The following GRM7 variants were observed in gnomAD, a reference collection of about 807,000 sequenced individuals.
GRM7 encodes metabotropic glutamate receptor 7.
In GRM7, 35 loss-of-function variants were observed where a neutral mutation model predicts 84.5. The observed-to-expected ratio is 0.41, with a 90% CI of 0.32 to 0.55. GRM7 has a LOEUF of 0.55. GRM7 is among the 20% of genes least tolerant of loss of function. GRM7 has a pLI of 0.19. For missense variants in GRM7, 1,003 were observed against 1,194.6 expected (o/e 0.84, Z 2.36); for synonymous variants, 487 against 455.1 (o/e 1.07, Z -0.89).
rs1289896477 is a variant in GRM7, at chr3:7,690,064, A to T, written c.2698+9769A>T. On this transcript the variant is annotated intron_variant, in intron 9 of 9. Transcript: ENST00000357716. ...AGGGCTCCAGGCAGCCATAAACGGAAAGGCACTCAAGGTAGGGGAAAGTAT... is the reference window on the plus strand; with the variant it reads ...AGGGCTCCAGGCAGCCATAAACGGATAGGCACTCAAGGTAGGGGAAAGTAT... Among the ~76,000 whole-genome samples, 5 of 152,286 alleles carry T rather than the reference A, an allele frequency of 3.3e-5. No individual in the cohort carries two copies. In the East Asian group the frequency reaches 5.8e-4, roughly 18 times the overall value.
intron 2 of GRM7, among the ~76,000 whole-genome samples, chr3:7,224,582 A>G (rs977378748): frequency 6.6e-6 from 1 of 152,182 alleles, no homozygotes; most frequent in African/African-American, 2.4e-5. Context: ...TATTTAAGAA[A>G]TGTAAGAGAA....
chr3:7,675,696 T>C lies in GRM7; in HGVS notation c.2452-4353T>C, dbSNP rs147501110. Among the ~76,000 whole-genome samples the C allele has an allele frequency of 5.9e-5, 9 of 152,360 alleles. No individual in the cohort carries two copies. The East Asian group carries it at 1.5e-3, about 26-fold the overall frequency. ...ACTAGACATGAATAGGAGTGGGCTT[T>C]ATAAACACTATTACTTAATCAACAA... On this transcript the variant is annotated intron_variant, in intron 8 of 9. Transcript: ENST00000357716.
At chr3:7,509,715 G>A (rs960192376) in intron 7 of GRM7, among the ~76,000 whole-genome samples, 2 of 152,138 alleles carry the variant, frequency 1.3e-5, no homozygotes, top group African/African-American at 2.4e-5. Context: ...CCATGGTAGA[G>A]AAGGCAGCCA....
chr3:7,559,670 CAA>C (rs933272424), intron 7 of GRM7, among the ~76,000 whole-genome samples: 56 of 152,224 alleles, frequency 3.7e-4, no homozygotes, highest in African/African-American at 1.2e-3. Flanking sequence ...CGAATGAACA[CAA>C]AGAGTTTGAT....
chr3:7,017,591 A>G (rs1268658288), intron 1 of GRM7, among the ~76,000 whole-genome samples: 2 of 152,188 alleles, frequency 1.3e-5, no homozygotes, highest in South Asian at 2.1e-4. Context: ...CCCGAATCCG[A>G]TGTCGATAAG....
chr3:6,874,477 A>T (rs1202501859), intron 1 of GRM7, among the ~76,000 whole-genome samples: 1 of 152,190 alleles, frequency 6.6e-6, no homozygotes, highest in Non-Finnish European at 1.5e-5. Flanking sequence ...GGTCATATTC[A>T]GTACTTTCTG....
intron 1 of GRM7, among the ~76,000 whole-genome samples, chr3:6,885,127 A>T (rs1050443389): frequency 4.6e-5 from 7 of 152,154 alleles, no homozygotes; most frequent in Admixed American, 4.6e-4. Context: ...CAGACCCCCA[A>T]ATTGAGGCTT....
chr3:7,324,863 TTC>T (rs1233255717), intron 4 of GRM7, among the ~76,000 whole-genome samples: 1 of 152,154 alleles, frequency 6.6e-6, no homozygotes, highest in Non-Finnish European at 1.5e-5. Context: ...GTCTGGCCTC[TTC>T]TAACCTTGGC....
chr3:7,136,681 G>T (rs985429547), intron 1 of GRM7, among the ~76,000 whole-genome samples: 1 of 152,076 alleles, frequency 6.6e-6, no homozygotes, highest in Non-Finnish European at 1.5e-5. Flanking sequence ...ATGAGGAGCA[G>T]GTCAAAGAAA....
chr3:7,498,228 A>G (rs1304899733), intron 7 of GRM7, among the ~76,000 whole-genome samples: 2 of 152,096 alleles, frequency 1.3e-5, no homozygotes, highest in South Asian at 2.1e-4. Context: ...TTTGTCCACT[A>G]GAGAAGTTAA....
At chr3:7,387,227 A>G (rs1341914302) in intron 4 of GRM7, among the ~76,000 whole-genome samples, 1 of 152,012 alleles carries the variant, frequency 6.6e-6, no homozygotes, top group Non-Finnish European at 1.5e-5. Flanking sequence ...ATTTTCTCCC[A>G]TTTTATAGGT....
At chr3:7,238,999 TTTTC>T (rs1697452414) in intron 2 of GRM7, among the ~76,000 whole-genome samples, 10 of 145,708 alleles carry the variant, frequency 6.9e-5, no homozygotes. Context: ...CTTTTTTCCT[TTTTC>T]TTTTTTTTGA....
intron 2 of GRM7, among the ~76,000 whole-genome samples, chr3:7,229,726 CATAT>C (rs1162837346): frequency 7.0e-5 from 2 of 28,600 alleles, no homozygotes; most frequent in Non-Finnish European, 1.2e-4. Context: ...TAGACACACA[CATAT>C]ATATATATAT....
intron 1 of GRM7, among the ~76,000 whole-genome samples, chr3:7,070,199 G>A: frequency 6.6e-6 from 1 of 152,120 alleles, no homozygotes; most frequent in African/African-American, 2.4e-5. Context: ...TTAATGAAAT[G>A]TATAATTATC....
intron 2 of GRM7, among the ~76,000 whole-genome samples, chr3:7,246,039 G>A (rs898806192): frequency 3.9e-5 from 6 of 152,100 alleles, no homozygotes; most frequent in African/African-American, 1.4e-4. Flanking sequence ...TGCATTCATA[G>A]TTTGAAAAGC....
intron 8 of GRM7, among the ~76,000 whole-genome samples, chr3:7,599,032 G>C (rs1473037137): frequency 6.6e-6 from 1 of 152,076 alleles, no homozygotes; most frequent in Non-Finnish European, 1.5e-5. Flanking sequence ...ATTTCAACTG[G>C]AAGAGACTGT....
At chr3:7,036,393 CTGTT>C (rs1328512793) in intron 1 of GRM7, among the ~76,000 whole-genome samples, 1 of 152,134 alleles carries the variant, frequency 6.6e-6, no homozygotes, top group Non-Finnish European at 1.5e-5. Flanking sequence ...TCATATGTCT[CTGTT>C]TGACGATGGC....
intron 1 of GRM7, among the ~76,000 whole-genome samples, chr3:7,075,077 G>T (rs1698016542): frequency 6.6e-6 from 1 of 152,120 alleles, no homozygotes; most frequent in Non-Finnish European, 1.5e-5. Flanking sequence ...GAATAAAGAG[G>T]CAAGTTAGAT....
At chr3:7,213,355 T>C (rs1696492964) in intron 2 of GRM7, among the ~76,000 whole-genome samples, 1 of 152,178 alleles carries the variant, frequency 6.6e-6, no homozygotes, top group Non-Finnish European at 1.5e-5. Context: ...ATTTATCTCA[T>C]AATAAGATTA....
Sources: allele counts gnomAD v4.1 joint callset (sites outside exome capture counted in the v4.1 genomes callset), GRCh38; gene constraint gnomAD v4.1.1; transcripts MANE v1.5; gene names NCBI Gene and HGNC (gene_info 2026-07-23, HGNC 2026-07-21).